Variants in TLE4 observed in about 807,000 individuals in gnomAD.
TLE4 encodes transducin-like enhancer protein 4.
Under a neutral mutation model 92.8 loss-of-function variants are expected in TLE4, and 8 were observed. That is an observed-to-expected ratio of 0.09 (90% confidence interval 0.05 to 0.16). The LOEUF is 0.16. TLE4 is among the 10% of genes least tolerant of loss of function. The pLI, the probability that TLE4 is intolerant of heterozygous loss-of-function variation, is 1.00. For missense variants in TLE4, 675 were observed against 997.6 expected (o/e 0.68, Z 4.36); for synonymous variants, 371 against 374.1 (o/e 0.99, Z 0.10).
intron 6 of TLE4, among the ~76,000 whole-genome samples, chr9:79,641,142 C>CT (rs1373069561): frequency 0.012 from 1,696 of 143,182 alleles, 35 homozygotes; most frequent in African/African-American, 0.038. Flanking sequence ...CAGGAAGAAT[C>CT]TTTTTTTTTT....
intron 6 of TLE4, among the ~76,000 whole-genome samples, chr9:79,646,751 A>T (rs1360451786): frequency 6.6e-6 from 1 of 152,186 alleles, no homozygotes; most frequent in East Asian, 1.9e-4. Flanking sequence ...TAATATTTTA[A>T]TATCTCTGTC....
chr9:79,603,111 A>G (rs1228897503), intron 4 of TLE4, among the ~76,000 whole-genome samples: 2 of 152,182 alleles, frequency 1.3e-5, no homozygotes, highest in African/African-American at 4.8e-5. Context: ...TAGTTTCTTG[A>G]GATGGAATAT....
intron 8 of TLE4, among the ~76,000 whole-genome samples, chr9:79,678,132 GAA>G: frequency 6.6e-6 from 1 of 152,130 alleles, no homozygotes; most frequent in Admixed American, 6.6e-5. Context: ...AAATGAGGCA[GAA>G]AAAAATCATG....
At chr9:79,695,349 T>TCA (rs66493129) in intron 8 of TLE4, among the ~76,000 whole-genome samples, 11,217 of 41,040 alleles carry the variant, frequency 0.27, 532 homozygotes, top group African/African-American at 0.33. Context: ...CAAATGCATA[T>TCA]CTCACACACA....
intron 8 of TLE4, among the ~76,000 whole-genome samples, chr9:79,694,793 G>A (rs577515157): frequency 7.9e-5 from 12 of 151,632 alleles, no homozygotes; most frequent in Admixed American, 4.6e-4. Context: ...AAAAAAGCAG[G>A]GGGGAGGACT....
At chr9:79,586,679 G>A (rs2041189727) in intron 4 of TLE4, among the ~76,000 whole-genome samples, 2 of 152,192 alleles carry the variant, frequency 1.3e-5, no homozygotes, top group Non-Finnish European at 2.9e-5. Flanking sequence ...TTAATCATAA[G>A]TAGAAGAAGG....
intron 5 of TLE4, among the ~76,000 whole-genome samples, chr9:79,626,265 T>A (rs1328725470): frequency 1.3e-5 from 2 of 152,238 alleles, no homozygotes; most frequent in Non-Finnish European, 2.9e-5. Flanking sequence ...GAATTCCACA[T>A]TGAACTGATA....
Position 79,572,760 on chromosome 9 carries a change from C to T in TLE4, c.-31C>T. The T allele has an allele frequency of 1.9e-6, 3 of 1,594,660 alleles. No homozygotes were observed. Among genetic ancestry groups the T allele is most frequent in the Admixed American group, 1.7e-5 (1 of 58,178 alleles). Reference sequence around the variant, plus strand: ...ATTAAAGCCAATGAGCCGCGCGCCTCTGCCGAGCGCAGCCAACTAAATCGG... The same window carrying T: ...ATTAAAGCCAATGAGCCGCGCGCCTTTGCCGAGCGCAGCCAACTAAATCGG... On this transcript the variant is annotated 5_prime_UTR_variant, in exon 1 of 20. Coordinates refer to ENST00000376552, the MANE Select transcript of TLE4 (RefSeq NM_007005.6).
intron 8 of TLE4, among the ~76,000 whole-genome samples, chr9:79,698,852 T>C (rs2068956214): frequency 6.8e-6 from 1 of 147,874 alleles, no homozygotes; most frequent in Non-Finnish European, 1.5e-5. Context: ...CAATTGAGGA[T>C]TATTTCTTAT....
chr9:79,706,054 T>C (rs1217777397), intron 10 of TLE4, 112 bp downstream of exon 10: 6 of 1,095,560 alleles, frequency 5.5e-6, no homozygotes, highest in Non-Finnish European at 7.1e-6. Context: ...GTTATTGTTG[T>C]TGTTTTTTGA....
intron 8 of TLE4, among the ~76,000 whole-genome samples, chr9:79,702,652 GCT>G (rs1297447546): frequency 6.6e-6 from 1 of 152,132 alleles, no homozygotes; most frequent in African/African-American, 2.4e-5. Context: ...TAAGTTTAAG[GCT>G]GAACGTTTGA....
chr9:79,703,058 C>CA (rs559085657), intron 8 of TLE4, among the ~76,000 whole-genome samples: 2,270 of 137,650 alleles, frequency 0.016, 47 homozygotes, highest in African/African-American at 0.045. Context: ...TAAGATAAAG[C>CA]AAAAAAAAAA....
Position 79,666,217 on chromosome 9 carries a change from G to T in TLE4, c.609+12142G>T, listed in dbSNP as rs372250639. 7.7e-3 allele frequency among the ~76,000 whole-genome samples: 500 copies of T among 65,100 alleles called. 1 individual carries two copies. The highest frequency in any genetic ancestry group is 0.053 in the Middle Eastern group (7 of 132). The allele number at this position is 65,100 out of a possible 152,430, so 42.7% of individuals were successfully genotyped here. ...TGTGTGGGTGGGGTTTTTTTTTTTTGTTTTTTTTTTTTTTTTTTTTTTGAG... is the reference window on the plus strand; with the variant it reads ...TGTGTGGGTGGGGTTTTTTTTTTTTTTTTTTTTTTTTTTTTTTTTTTTGAG... On this transcript the variant is annotated intron_variant, in intron 8 of 19. Transcript: ENST00000376552.
At chr9:79,690,148 G>T (rs2066748064) in intron 8 of TLE4, among the ~76,000 whole-genome samples, 1 of 152,060 alleles carries the variant, frequency 6.6e-6, no homozygotes, top group Non-Finnish European at 1.5e-5. Flanking sequence ...TTTCTTTCCA[G>T]ACTTAGCCTA....
chr9:79,588,737 G>A (rs2041831205), intron 4 of TLE4, among the ~76,000 whole-genome samples: 1 of 152,180 alleles, frequency 6.6e-6, no homozygotes, highest in African/African-American at 2.4e-5. Flanking sequence ...GAATGTTCAG[G>A]GAACTGTAAA....
At chr9:79,597,329 T>C (rs62569287) in intron 4 of TLE4, among the ~76,000 whole-genome samples, 3,892 of 152,294 alleles carry the variant, frequency 0.026, 70 homozygotes, top group African/African-American at 0.051. Context: ...ATCTACCTTT[T>C]GGTGTTGGGT....
chr9:79,632,225 A>T (rs1041075505), intron 6 of TLE4, among the ~76,000 whole-genome samples: 1 of 152,164 alleles, frequency 6.6e-6, no homozygotes, highest in African/African-American at 2.4e-5. Flanking sequence ...CCTGAATCCC[A>T]CAGGGAAACA....
rs768588785 is a variant in TLE4 at position 79,661,945 on chromosome 9, G to C, written c.609+7870G>C. ...CCTCCCAACCCCTGGGTTCAGTTTT[G>C]CCTCTAGTTTTCCTTCACTAGAAAC... On this transcript the variant is annotated intron_variant, in intron 8 of 19. Coordinates refer to ENST00000376552, the MANE Select transcript of TLE4 (RefSeq NM_007005.6). Among the ~76,000 whole-genome samples, 293 of 152,092 alleles carry C rather than the reference G, an allele frequency of 1.9e-3. 6 individuals are homozygous for C. The highest frequency in any genetic ancestry group is 2.6e-3 in the Non-Finnish European group (177 of 68,012).
chr9:79,596,022 A>G (rs1267332679), intron 4 of TLE4, among the ~76,000 whole-genome samples: 1 of 151,214 alleles, frequency 6.6e-6, no homozygotes, highest in African/African-American at 2.4e-5. Flanking sequence ...ATTTTTTTGT[A>G]TTTTTAGTAG....
Sources: allele counts gnomAD v4.1 joint callset (sites outside exome capture counted in the v4.1 genomes callset), GRCh38; gene constraint gnomAD v4.1.1; transcripts MANE v1.5; gene names NCBI Gene and HGNC (gene_info 2026-07-23, HGNC 2026-07-21).